The following TPO variants were observed in gnomAD, a reference collection of about 807,000 sequenced individuals.
The protein encoded by TPO is thyroid microsomal antigen.
Under a neutral mutation model 96.9 loss-of-function variants are expected in TPO, and 78 were observed. The ratio of observed to expected loss-of-function variants is 0.81; its 90% CI spans 0.67 to 0.97. The LOEUF (loss-of-function observed/expected upper bound fraction) is 0.97. Ranked by LOEUF, TPO falls within the 50% of genes least tolerant of loss-of-function variation. The pLI is 0.00. For missense variants in TPO, 1,252 were observed against 1,274.8 expected (o/e 0.98, Z 0.27); for synonymous variants, 547 against 538.0 (o/e 1.02, Z -0.23).
Position 1,481,338 on chromosome 2 carries a change from G to A in TPO, c.1339-3258G>A, listed in dbSNP as rs144613469. ...AGGTAGCCATCCTCGGGGAGTCTGG[G>A]TGTGCCATCCAGGCAGCATGGAGTT... is the stretch of plus-strand genomic sequence containing the variant. On this transcript the variant is annotated intron_variant, in intron 8 of 16. Transcript: ENST00000329066. Among the ~76,000 whole-genome samples the A allele has an allele frequency of 8.4e-3, 1,284 of 152,318 alleles. 20 individuals are homozygous for A. Among genetic ancestry groups the A allele is most frequent in the African/African-American group, 0.029 (1,206 of 41,572 alleles).
intron 3 of TPO, among the ~76,000 whole-genome samples, chr2:1,423,889 C>A (rs1013659687): frequency 6.6e-6 from 1 of 152,138 alleles, no homozygotes; most frequent in Non-Finnish European, 1.5e-5. Context: ...CATAAACTCA[C>A]GCACACTTTA....
chr2:1,513,611 A>G (rs1377058938), intron 14 of TPO: 1 of 152,262 alleles, frequency 6.6e-6, no homozygotes, highest in Non-Finnish European at 1.5e-5. Flanking sequence ...AGATGTATGT[A>G]TAGAAATAGT....
intron 15 of TPO, among the ~76,000 whole-genome samples, chr2:1,524,155 T>C (rs1163021763): frequency 9.7e-6 from 1 of 103,526 alleles, no homozygotes; most frequent in Non-Finnish European, 1.9e-5. Context: ...CCTCCCAAAA[T>C]CCCCCAAACT....
chr2:1,540,246 T>C (rs1048975522), intron 15 of TPO, among the ~76,000 whole-genome samples: 8 of 152,120 alleles, frequency 5.3e-5, no homozygotes, highest in Admixed American at 3.9e-4. Flanking sequence ...AGCCTAACGT[T>C]GTCTGTCATT....
At chr2:1,439,780 G>C (rs1019995805) in intron 5 of TPO, among the ~76,000 whole-genome samples, 1 of 151,870 alleles carries the variant, frequency 6.6e-6, no homozygotes, top group Admixed American at 6.6e-5. Context: ...TGAGTTCCTC[G>C]CCATCCTCCC....
intron 14 of TPO, among the ~76,000 whole-genome samples, chr2:1,508,816 T>C (rs1263266714): frequency 6.6e-6 from 1 of 152,222 alleles, no homozygotes; most frequent in African/African-American, 2.4e-5. Flanking sequence ...ATCAATTTTG[T>C]TGATCTTTTC....
At chr2:1,392,594 T>C (rs1323610530) in intron 1 of TPO, among the ~76,000 whole-genome samples, 1 of 152,220 alleles carries the variant, frequency 6.6e-6, no homozygotes, top group African/African-American at 2.4e-5. Flanking sequence ...AGTTCCTCTT[T>C]GTACCTCCGG....
Position 1,456,136 on chromosome 2 carries a change from C to A in TPO, c.673C>A (p.Arg225Ser), listed in dbSNP as rs146965150. 2 of 1,614,006 alleles carry A rather than the reference C, an allele frequency of 1.2e-6. No individual in the cohort carries two copies. The highest frequency in any genetic ancestry group is 1.1e-5 in the South Asian group (1 of 91,076). The change falls in exon 7 of 17, where the codon CGC becomes AGC. Residue 225 changes from arginine to serine, a missense_variant. Coordinates refer to ENST00000329066, the MANE Select transcript of TPO (RefSeq NM_001206744.2). ...AAATGAGGTTGTCACAGATGATGAC[C>A]GCTATTCTGACCTCCTGATGGCATG... ...VSNEVVTDDD[R>S]YSDLLMAWGQ...
At chr2:1,502,318 G>A (rs1195688762) in intron 13 of TPO, among the ~76,000 whole-genome samples, 1 of 152,134 alleles carries the variant, frequency 6.6e-6, no homozygotes, top group Non-Finnish European at 1.5e-5. Context: ...AATAGCTGCT[G>A]CTAGATAGAG....
chr2:1,433,665 A>G, intron 4 of TPO, 58 bp downstream of exon 4: 1 of 1,580,790 alleles, frequency 6.3e-7, no homozygotes, highest in African/African-American at 1.3e-5. Context: ...GGACACCTTG[A>G]CTTTGTGCAG....
intron 5 of TPO, among the ~76,000 whole-genome samples, chr2:1,436,820 C>G (rs527921611): frequency 6.6e-6 from 1 of 152,354 alleles, no homozygotes; most frequent in Admixed American, 6.5e-5. Context: ...AACCATCCAG[C>G]TGCCATCACG....
chr2:1,403,870 C>T (rs186809207), intron 1 of TPO, among the ~76,000 whole-genome samples: 2 of 152,294 alleles, frequency 1.3e-5, no homozygotes, highest in African/African-American at 4.8e-5. Context: ...AGCATGGAAA[C>T]GGTGGCTGCC....
At chr2:1,492,662 C>G (rs998758398) in intron 10 of TPO, among the ~76,000 whole-genome samples, 2 of 152,240 alleles carry the variant, frequency 1.3e-5, no homozygotes, top group Non-Finnish European at 1.5e-5. Context: ...AGAGGCCCAA[C>G]CTTCTGTCCC....
intron 9 of TPO, 87 bp from the exon 10 acceptor site, chr2:1,487,734 G>T (rs141861673): frequency 1.3e-6 from 2 of 1,525,350 alleles, no homozygotes; most frequent in African/African-American, 2.8e-5. Flanking sequence ...ATGAGACTCC[G>T]TCTCAAAAAA....
chr2:1,419,797 G>A (rs753071276), intron 2 of TPO, among the ~76,000 whole-genome samples: 1 of 152,196 alleles, frequency 6.6e-6, no homozygotes, highest in Admixed American at 6.5e-5. Flanking sequence ...ATCTTGGGGC[G>A]CTCAGGGGGC....
At chr2:1,480,840 G>C (rs12151527) in intron 8 of TPO, among the ~76,000 whole-genome samples, 25,406 of 135,458 alleles carry the variant, frequency 0.19, 2,795 homozygotes, top group South Asian at 0.29. Context: ...TGCTGCGTCT[G>C]TCCTCACCAT....
chr2:1,512,463 C>G, intron 14 of TPO: 1 of 985,476 alleles, frequency 1.0e-6, no homozygotes, highest in Non-Finnish European at 1.2e-6. Flanking sequence ...CTCAGGGCAG[C>G]TGTGCGCTCC....
chr2:1,485,475 C>T lies in TPO; in HGVS notation c.1597+621C>T, dbSNP rs11632103. Among the ~76,000 whole-genome samples the T allele has an allele frequency of 8.5e-3, 1,280 of 150,440 alleles. 21 individuals carry two copies. The highest frequency in any genetic ancestry group is 0.03 in the African/African-American group (1,201 of 39,822). On this transcript the variant is annotated intron_variant, in intron 9 of 16. Coordinates refer to ENST00000329066, the MANE Select transcript of TPO (RefSeq NM_001206744.2). ...TTCTAGTTCTAGATGCTTGAGGAAT[C>T]GCCACACTGTCTTCCACAATGGTTG...
At chr2:1,450,007 G>A (rs565187318) in intron 5 of TPO, among the ~76,000 whole-genome samples, 2 of 152,234 alleles carry the variant, frequency 1.3e-5, no homozygotes, top group African/African-American at 2.4e-5. Context: ...GGTGTCAGGC[G>A]TTTTTGGGGA....
Sources: gnomAD v4.1 joint callset for allele counts (sites outside exome capture counted in the v4.1 genomes callset) on GRCh38, gnomAD v4.1.1 for gene constraint, MANE v1.5 for transcripts, NCBI Gene and HGNC (gene_info 2026-07-23, HGNC 2026-07-21) for gene names.